SLC3A1: variants seen among roughly 807,000 people sequenced by gnomAD.
The protein encoded by SLC3A1 is solute carrier family 3 member 1.
Under a neutral mutation model 60.3 loss-of-function variants are expected in SLC3A1, and 78 were observed. The observed-to-expected ratio is 1.29, with a 90% confidence interval of 1.08 to 1.56. The LOEUF is 1.56. Ranked by LOEUF, SLC3A1 falls within the 40% of genes most tolerant of loss-of-function variation. SLC3A1 has a pLI of 0.00. For synonymous variants in SLC3A1, 392 were observed against 307.9 expected (o/e 1.27, Z -2.86); for missense variants, 1,172 against 858.9 (o/e 1.36, Z -4.56).
In SLC3A1 at chr2:44,308,084, T is replaced by C. The variant is rs1336773498; in HGVS notation, c.1332+3746T>C. On this transcript the variant is annotated intron_variant, in intron 7 of 9. Transcript: ENST00000260649. ...AGGAGTTCAAGTTTGCCTTGAGCCA[T>C]GATTACACTCCAGGGTGAACTCCAG... Among the ~76,000 whole-genome samples the C allele has an allele frequency of 5.3e-5, 8 of 152,226 alleles. No homozygotes were observed. The South Asian group carries it at 1.5e-3, about 28-fold the overall frequency.
chr2:44,313,287 G>C (rs1672343942), intron 8 of SLC3A1, among the ~76,000 whole-genome samples: 1 of 152,004 alleles, frequency 6.6e-6, no homozygotes, highest in Admixed American at 6.6e-5. Flanking sequence ...TGTGTTGCTG[G>C]GTAGACGACT....
At position 44,280,882 on chromosome 2, in the gene SLC3A1, C is replaced by T; in HGVS notation, c.597C>T (p.Ala199=). The part of the protein sequence containing the change: ...TMEDFENLVA[A]IHDKGLKLII... ...AAGATTTTGAGAATCTGGTTGCAGCCATACATGATAAAGGTAAGTTGAATG... is the reference window on the plus strand; with the variant it reads ...AAGATTTTGAGAATCTGGTTGCAGCTATACATGATAAAGGTAAGTTGAATG... The change falls in exon 2 of 10, where the codon GCC becomes GCT. Residue 199 remains alanine, a synonymous_variant. Coordinates refer to ENST00000260649, the MANE Select transcript of SLC3A1 (RefSeq NM_000341.4). The T allele has an allele frequency of 6.2e-7, 1 of 1,613,994 alleles. No individual in the cohort carries two copies. Among genetic ancestry groups the T allele is most frequent in the Non-Finnish European group, 8.5e-7 (1 of 1,179,930 alleles).
At chr2:44,315,577 G>C (rs1282711684) in intron 9 of SLC3A1, among the ~76,000 whole-genome samples, 1 of 137,758 alleles carries the variant, frequency 7.3e-6, no homozygotes, top group Non-Finnish European at 1.5e-5. Flanking sequence ...AGGAGGCTGA[G>C]CCCAAGAGAT....
At chr2:44,280,515 G>T (rs1671470589) in intron 1 of SLC3A1, among the ~76,000 whole-genome samples, 1 of 152,156 alleles carries the variant, frequency 6.6e-6, no homozygotes, top group Non-Finnish European at 1.5e-5. Flanking sequence ...TGGGATTACA[G>T]GCGTGAACCA....
chr2:44,285,243 T>C (rs1318399711), intron 3 of SLC3A1: 3 of 158,756 alleles, frequency 1.9e-5, no homozygotes, highest in African/African-American at 7.2e-5. Flanking sequence ...TGTGTTGCCA[T>C]GGACATGTGG....
chr2:44,309,853 C>T (rs1377504581), intron 7 of SLC3A1, among the ~76,000 whole-genome samples: 2 of 152,192 alleles, frequency 1.3e-5, no homozygotes, highest in African/African-American at 2.4e-5. Context: ...CTGCCTTGGC[C>T]TCCCAAAGTG....
intron 1 of SLC3A1, among the ~76,000 whole-genome samples, chr2:44,276,693 C>G (rs144746907): frequency 2.0e-5 from 3 of 150,714 alleles, no homozygotes; most frequent in Non-Finnish European, 4.4e-5. Flanking sequence ...AGGGAGACCC[C>G]GTCTCCAAAA....
rs1340199941 is a variant in SLC3A1, at chr2:44,306,169, T to C, written c.1332+1831T>C. On this transcript the variant is annotated intron_variant, in intron 7 of 9. Transcript: ENST00000260649. ...GAGAGTTGCCTTACACTAGTCAATA[T>C]CTTCTGTTGTACCCCCACAATACCT... Among the ~76,000 whole-genome samples, 4 of 152,184 alleles carry C rather than the reference T, an allele frequency of 2.6e-5. No homozygotes were observed. The East Asian group carries it at 7.7e-4, about 29-fold the overall frequency.
At chr2:44,285,526 C>T (rs1671593072) in intron 3 of SLC3A1, 2 of 386,332 alleles carry the variant, frequency 5.2e-6, no homozygotes, top group Admixed American at 7.0e-5. Context: ...TGAGTACCAA[C>T]ACTTGAAGTT....
At chr2:44,301,939 C>T (rs932484092) in intron 6 of SLC3A1, among the ~76,000 whole-genome samples, 1 of 151,944 alleles carries the variant, frequency 6.6e-6, no homozygotes, top group Non-Finnish European at 1.5e-5. Context: ...CCTGTAATAC[C>T]AGCTACTCGG....
At chr2:44,290,333 C>T (rs538122754) in intron 4 of SLC3A1, among the ~76,000 whole-genome samples, 12 of 152,252 alleles carry the variant, frequency 7.9e-5, no homozygotes, top group African/African-American at 1.7e-4. Context: ...GAATTACTAG[C>T]GCTTTGTAGT....
intron 9 of SLC3A1, among the ~76,000 whole-genome samples, chr2:44,315,597 A>G (rs1348180118): frequency 1.5e-5 from 2 of 134,018 alleles, no homozygotes; most frequent in African/African-American, 5.6e-5. Flanking sequence ...TCAAGGTTGC[A>G]GTGAGTTGTG....
At chr2:44,321,584 A>T, downstream of SLC3A1, 1 of 1,490,554 alleles carries the variant, frequency 6.7e-7, no homozygotes, top group Non-Finnish European at 8.9e-7. Context: ...TTCGAGAGAG[A>T]GGCAGAAGGC....
intron 1 of SLC3A1, among the ~76,000 whole-genome samples, chr2:44,278,253 GCTA>G: frequency 1.3e-5 from 2 of 151,812 alleles, no homozygotes; most frequent in African/African-American, 4.8e-5. Context: ...GACCATCCTG[GCTA>G]ACACGGTGAA....
Position 44,281,477 on chromosome 2 carries a change from C to G in SLC3A1, c.701C>G (p.Thr234Ser), listed in dbSNP as rs1318271587. Reference protein sequence around the residue: ...QLSRTRTGKYTDYYIWHDCTH... With the variant: ...QLSRTRTGKYSDYYIWHDCTH... The stretch of plus-strand genomic sequence containing the variant: ...AGTCGGACACGGACAGGAAAATATA[C>G]TGATTATTATATCTGGCATGACTGT... The change falls in exon 3 of 10, where the codon ACT becomes AGT. Residue 234 changes from threonine to serine, a missense_variant. Physicochemically the swap from Thr to Ser is moderately conservative, Grantham distance 58. Transcript: ENST00000260649. 1.2e-6 allele frequency: 2 copies of G among 1,613,490 alleles called. No individual in the cohort carries two copies. Among genetic ancestry groups the G allele is most frequent in the South Asian group, 2.2e-5 (2 of 91,070 alleles).
At chr2:44,295,721 G>A (rs191654519) in intron 4 of SLC3A1, among the ~76,000 whole-genome samples, 48 of 152,222 alleles carry the variant, frequency 3.2e-4, no homozygotes, top group African/African-American at 7.5e-4. Flanking sequence ...GCTGAGATCC[G>A]GACTCCGTAA....
chr2:44,288,988 C>G (rs1024504422), intron 4 of SLC3A1, among the ~76,000 whole-genome samples: 3 of 151,868 alleles, frequency 2.0e-5, no homozygotes, highest in African/African-American at 7.3e-5. Flanking sequence ...GCACGTGCCA[C>G]CATGCCCAAC....
At chr2:44,314,292 A>T (rs769305560) in intron 9 of SLC3A1, 1 of 542,554 alleles carries the variant, frequency 1.8e-6, no homozygotes, top group Non-Finnish European at 3.3e-6. Context: ...AAAGGCAGGG[A>T]GAGAGGCGAG....
intron 7 of SLC3A1, among the ~76,000 whole-genome samples, chr2:44,308,922 C>T (rs369148239): frequency 1.5e-4 from 23 of 152,044 alleles, no homozygotes; most frequent in East Asian, 1.2e-3. Context: ...TTAGTAGAGA[C>T]GGGGTTTCAC....
Sources: allele counts gnomAD v4.1 joint callset (sites outside exome capture counted in the v4.1 genomes callset), GRCh38; gene constraint gnomAD v4.1.1; transcripts MANE v1.5; gene names NCBI Gene and HGNC (gene_info 2026-07-23, HGNC 2026-07-21).